PLCB4: variants seen among roughly 807,000 people sequenced by gnomAD.
PLCB4 encodes 1-phosphatidylinositol 4,5-bisphosphate phosphodiesterase beta-4.
In PLCB4, 77 loss-of-function variants were observed where a neutral mutation model predicts 178.8. The ratio of observed to expected loss-of-function variants is 0.43; its 90% CI spans 0.36 to 0.52. The LOEUF (loss-of-function observed/expected upper bound fraction) is 0.52. PLCB4 is among the 20% of genes least tolerant of loss of function. PLCB4 has a pLI of 0.00. For synonymous variants in PLCB4, 496 were observed against 490.8 expected, an observed-to-expected ratio of 1.01 and a Z score of -0.14; for missense variants, 1,024 against 1,453.4, an observed-to-expected ratio of 0.70 and a Z score of 4.80.
At chr20:9,115,361 T>G (rs1410426565) in intron 2 of PLCB4, among the ~76,000 whole-genome samples, 1 of 152,032 alleles carries the variant, frequency 6.6e-6, no homozygotes, top group African/African-American at 2.4e-5. Context: ...TAACCCTCCC[T>G]ATATATTATT....
At chr20:9,467,174 C>G (rs569922033) in intron 35 of PLCB4, among the ~76,000 whole-genome samples, 2 of 152,274 alleles carry the variant, frequency 1.3e-5, no homozygotes, top group African/African-American at 4.8e-5. Context: ...CAAACTATCA[C>G]AAGGACAGAA....
rs147893608 is a variant in PLCB4, at chr20:9,085,880, A to G, written c.-134-10407A>G. On this transcript the variant is annotated intron_variant, in intron 1 of 39. Coordinates refer to ENST00000378473, the MANE Select transcript of PLCB4 (RefSeq NM_001377142.1). ...AAGCACAGACTTACCCATGGGAATT[A>G]GTTCATTTTCTGAAGAGTCCTTCAC... Among the ~76,000 whole-genome samples the G allele has an allele frequency of 7.5e-4, 114 of 152,334 alleles. 4 individuals are homozygous for G. The East Asian group carries it at 0.019, about 25-fold the overall frequency.
At chr20:9,265,501 A>C (rs1369763093) in intron 3 of PLCB4, among the ~76,000 whole-genome samples, 2 of 152,120 alleles carry the variant, frequency 1.3e-5, no homozygotes, top group African/African-American at 4.8e-5. Flanking sequence ...GACAAAAAAC[A>C]AAACAAAAAC....
At chr20:9,210,006 G>C (rs143614120) in intron 2 of PLCB4, among the ~76,000 whole-genome samples, 1 of 141,620 alleles carries the variant, frequency 7.1e-6, no homozygotes, top group South Asian at 2.4e-4. Context: ...AGAAAACCCA[G>C]AAACGATGTC....
intron 38 of PLCB4, among the ~76,000 whole-genome samples, chr20:9,474,032 C>G (rs1288272531): frequency 6.6e-6 from 1 of 152,140 alleles, no homozygotes; most frequent in Non-Finnish European, 1.5e-5. Context: ...TCCTGGCCAA[C>G]ATGGTGAAGC....
At chr20:9,470,810 G>A (rs1343593707) in intron 36 of PLCB4, among the ~76,000 whole-genome samples, 1 of 152,134 alleles carries the variant, frequency 6.6e-6, no homozygotes, top group Non-Finnish European at 1.5e-5. Context: ...ATACATTTGT[G>A]GCTAAGTATA....
intron 4 of PLCB4, among the ~76,000 whole-genome samples, chr20:9,314,500 T>G (rs966248058): frequency 6.6e-6 from 1 of 152,144 alleles, no homozygotes; most frequent in Non-Finnish European, 1.5e-5. Flanking sequence ...GCACGGGAAC[T>G]GGACAGCTCT....
intron 3 of PLCB4, among the ~76,000 whole-genome samples, chr20:9,261,554 A>C (rs2094297790): frequency 6.6e-6 from 1 of 152,218 alleles, no homozygotes; most frequent in African/African-American, 2.4e-5. Flanking sequence ...AGATCATTTT[A>C]GAGAAATCAA....
At chr20:9,069,368 C>T (rs1224625587) in intron 1 of PLCB4, among the ~76,000 whole-genome samples, 162 bp downstream of exon 1, 3 of 151,888 alleles carry the variant, frequency 2.0e-5, no homozygotes, top group African/African-American at 7.2e-5. Context: ...GCCCTGTGCG[C>T]GCGGGAGGCA....
chr20:9,259,621 A>C (rs1369716128), intron 3 of PLCB4, among the ~76,000 whole-genome samples: 1 of 152,164 alleles, frequency 6.6e-6, no homozygotes, highest in Non-Finnish European at 1.5e-5. Flanking sequence ...CATACTGTGG[A>C]GTTAAATGAT....
chr20:9,463,025 G>A (rs570075565), intron 35 of PLCB4, among the ~76,000 whole-genome samples: 18 of 152,138 alleles, frequency 1.2e-4, no homozygotes, highest in Admixed American at 3.3e-4. Flanking sequence ...GAGAAAGGTC[G>A]GGTTACCCAC....
chr20:9,228,432 T>G (rs2093892645), intron 3 of PLCB4, among the ~76,000 whole-genome samples: 1 of 152,150 alleles, frequency 6.6e-6, no homozygotes, highest in South Asian at 2.1e-4. Flanking sequence ...ATTTTCCTTT[T>G]GGAAAGAACT....
chr20:9,112,411 T>C (rs6140863), intron 2 of PLCB4, among the ~76,000 whole-genome samples: 31,217 of 151,672 alleles, frequency 0.21, 4,429 homozygotes, highest in East Asian at 0.65. Flanking sequence ...CGGGCCACCA[T>C]GCCTGGCTAA....
intron 2 of PLCB4, among the ~76,000 whole-genome samples, chr20:9,134,441 G>T (rs2092341088): frequency 6.6e-6 from 1 of 151,964 alleles, no homozygotes; most frequent in African/African-American, 2.4e-5. Context: ...AAATGACATT[G>T]TATAACCCCA....
intron 36 of PLCB4, among the ~76,000 whole-genome samples, chr20:9,471,277 T>A (rs1374121076): frequency 6.6e-6 from 1 of 151,932 alleles, no homozygotes. Context: ...AGATCTCTGA[T>A]GGAAAGAAAT....
intron 2 of PLCB4, among the ~76,000 whole-genome samples, chr20:9,164,411 T>C (rs2092937094): frequency 6.6e-6 from 1 of 152,178 alleles, no homozygotes; most frequent in Admixed American, 6.5e-5. Flanking sequence ...GGAAATTAAG[T>C]GACTTGCCCA....
chr20:9,296,190 G>A (rs2094632011), intron 3 of PLCB4, among the ~76,000 whole-genome samples: 1 of 152,104 alleles, frequency 6.6e-6, no homozygotes, highest in African/African-American at 2.4e-5. Flanking sequence ...ATCAAAAAGT[G>A]GGCGAAGGAT....
intron 28 of PLCB4, among the ~76,000 whole-genome samples, chr20:9,428,358 G>C (rs1257948125): frequency 6.6e-6 from 1 of 152,156 alleles, no homozygotes; most frequent in Non-Finnish European, 1.5e-5. Context: ...AAGCTCTGGA[G>C]GGGAAGGGGG....
intron 3 of PLCB4, among the ~76,000 whole-genome samples, chr20:9,277,343 T>C (rs1460106975): frequency 6.6e-6 from 1 of 152,074 alleles, no homozygotes; most frequent in Non-Finnish European, 1.5e-5. Flanking sequence ...CGAACTTTGC[T>C]GTTTTGATTT....
Sources: gnomAD v4.1 joint callset for allele counts (sites outside exome capture counted in the v4.1 genomes callset) on GRCh38, gnomAD v4.1.1 for gene constraint, MANE v1.5 for transcripts, NCBI Gene and HGNC (gene_info 2026-07-23, HGNC 2026-07-21) for gene names.